Variants in RTN4 observed in about 807,000 individuals in gnomAD.
RTN4 encodes reticulon-4.
RTN4 carries 32 observed loss-of-function variants against 90.4 expected under a neutral mutation model. That is an observed-to-expected ratio of 0.35 (90% CI 0.27 to 0.48). RTN4 has a LOEUF of 0.48. Among genes scored for constraint, RTN4 ranks in the 20% least tolerant of loss-of-function variants. The probability of loss-of-function intolerance (pLI) is 0.99; values close to 1 mark genes in which losing one functional copy is unlikely to be tolerated. For missense variants in RTN4, 1,706 were observed against 1,430.2 expected, an observed-to-expected ratio of 1.19 and a Z score of -3.11; for synonymous variants, 629 against 552.5, an observed-to-expected ratio of 1.14 and a Z score of -1.94.
chr2:55,049,314 C>A (rs892499278), intron 1 of RTN4: 10 of 281,786 alleles, frequency 3.5e-5, no homozygotes, highest in South Asian at 1.8e-4. Context: ...AAAGGAGCAA[C>A]CCAGACGGGT....
intron 1 of RTN4, among the ~76,000 whole-genome samples, chr2:55,096,110 T>C (rs1669028673): frequency 6.6e-6 from 1 of 152,168 alleles, no homozygotes; most frequent in Admixed American, 6.5e-5. Context: ...GTGGATTACC[T>C]GAGGACGGGA....
chr2:55,045,803 T>A (rs1270156925), intron 1 of RTN4, among the ~76,000 whole-genome samples: 1 of 152,224 alleles, frequency 6.6e-6, no homozygotes, highest in Non-Finnish European at 1.5e-5. Flanking sequence ...ATATTTTCGG[T>A]CTTAATTAAC....
chr2:55,029,508 C>T (rs1022278334), intron 1 of RTN4, among the ~76,000 whole-genome samples: 3 of 152,026 alleles, frequency 2.0e-5, no homozygotes, highest in African/African-American at 4.8e-5. Flanking sequence ...CAGAGAGAAC[C>T]TAATAAATTT....
rs143366666 is a variant in RTN4, at chr2:54,987,504, C to G, written c.3208G>C (p.Gly1070Arg). 6.2e-7 allele frequency: 1 copy of G among 1,613,338 alleles called. No homozygotes were observed. The highest frequency in any genetic ancestry group is 1.3e-5 in the African/African-American group (1 of 74,914). Residue 1070 changes from glycine to arginine, a missense_variant, in exon 4 of 9, where the codon GGC becomes CGC. Physicochemically the swap from Gly to Arg is moderately radical, Grantham distance 125. Transcript: ENST00000337526. ...VIQAIQKSDE[G>R]HPFRAYLESE... is the part of the protein sequence containing the mutation. ...CAGACATCTCACCTGAATGGGTGGCCTTCATCTGATTTCTGGATAGCTTGG... is the reference window on the plus strand; with the variant it reads ...CAGACATCTCACCTGAATGGGTGGCGTTCATCTGATTTCTGGATAGCTTGG...
intron 2 of RTN4, among the ~76,000 whole-genome samples, chr2:55,066,030 T>C (rs1314987838): frequency 6.6e-6 from 1 of 152,238 alleles, no homozygotes; most frequent in African/African-American, 2.4e-5. Context: ...TTAAATTCAA[T>C]AGTAAATTAT....
intron 3 of RTN4, among the ~76,000 whole-genome samples, chr2:54,998,226 G>A (rs1679592872): frequency 6.9e-6 from 1 of 145,378 alleles, no homozygotes; most frequent in Non-Finnish European, 1.5e-5. Context: ...AGGGTGTGGG[G>A]GGCTTTTTTT....
At chr2:55,049,623 G>T (rs1235967509) in intron 1 of RTN4, 122 bp downstream of exon 1, 7 of 1,487,276 alleles carry the variant, frequency 4.7e-6, no homozygotes, top group Admixed American at 4.0e-5. Flanking sequence ...CCATCGCCCC[G>T]AAGTCCGCAG....
At chr2:55,014,001 T>C (rs530905576) in intron 3 of RTN4, among the ~76,000 whole-genome samples, 2 of 152,328 alleles carry the variant, frequency 1.3e-5, no homozygotes, top group South Asian at 2.1e-4. Context: ...GAAACAATTA[T>C]AGCTACACAG....
chr2:55,000,783 C>T (rs1014949458), intron 3 of RTN4, among the ~76,000 whole-genome samples: 16 of 152,048 alleles, frequency 1.1e-4, no homozygotes, highest in African/African-American at 3.9e-4. Flanking sequence ...TCTTTTTATG[C>T]TACTTGAGAA....
chr2:55,077,683 A>G (rs948800544), intron 2 of RTN4, among the ~76,000 whole-genome samples: 1 of 151,972 alleles, frequency 6.6e-6, no homozygotes, highest in Non-Finnish European at 1.5e-5. Flanking sequence ...ATAGCAGCAC[A>G]ATTCGCAAAT....
At chr2:55,070,421 T>C (rs916374024) in intron 2 of RTN4, among the ~76,000 whole-genome samples, 3 of 151,590 alleles carry the variant, frequency 2.0e-5, no homozygotes, top group African/African-American at 7.3e-5. Flanking sequence ...TGGCTCACAC[T>C]TGTAGTCCCA....
At chr2:54,991,101 A>G (rs1678981472) in intron 3 of RTN4, among the ~76,000 whole-genome samples, 1 of 152,108 alleles carries the variant, frequency 6.6e-6, no homozygotes. Context: ...TATTTTTCAT[A>G]TGAACAAATG....
chr2:55,053,549 G>A (rs2968791), upstream of RTN4, among the ~76,000 whole-genome samples: 103,901 of 151,720 alleles, frequency 0.68, 35,664 homozygotes, highest in Middle Eastern at 0.76. Flanking sequence ...AGCAGGGCAT[G>A]GTGGTGCACA....
the RTN4 span, among the ~76,000 whole-genome samples, chr2:55,124,877 C>T: frequency 1.3e-5 from 2 of 152,086 alleles, no homozygotes; most frequent in Admixed American, 6.6e-5. Context: ...CATAGACCAA[C>T]GGAACAGAAT....
At chr2:55,044,451 C>G (rs1683283075) in intron 1 of RTN4, among the ~76,000 whole-genome samples, 2 of 152,122 alleles carry the variant, frequency 1.3e-5, no homozygotes, top group South Asian at 4.2e-4. Flanking sequence ...TGGCTCATGC[C>G]TGTAATCCCA....
chr2:55,037,796 G>C (rs1682793531), intron 1 of RTN4, among the ~76,000 whole-genome samples: 1 of 152,088 alleles, frequency 6.6e-6, no homozygotes, highest in Admixed American at 6.5e-5. Context: ...TGAACAAGCT[G>C]ATTCTGAAAT....
chr2:55,107,804 C>A (rs1263937099), intron 1 of RTN4, among the ~76,000 whole-genome samples: 6 of 152,066 alleles, frequency 3.9e-5, no homozygotes, highest in Admixed American at 3.9e-4. Context: ...ACTATAATTA[C>A]AAAAACAGAG....
chr2:55,068,971 G>A (rs1668442260), intron 2 of RTN4, among the ~76,000 whole-genome samples: 1 of 152,224 alleles, frequency 6.6e-6, no homozygotes, highest in African/African-American at 2.4e-5. Context: ...GCCTTGATTT[G>A]TGCCAAGGCA....
In RTN4 at chr2:55,027,384, A is replaced by G; in HGVS notation, c.715T>C (p.Ser239Pro). ...TTGAAAGAAGCGGCTGAGAGAGGAG[A>G]CAGAGAAGGAAGAGAAGCAGCAGTT... is the stretch of plus-strand genomic sequence containing the variant. Reference protein sequence around the residue: ...LETAASLPSLSPLSAASFKEH... With the variant: ...LETAASLPSLPPLSAASFKEH... Residue 239 changes from serine (S) to proline (P), a missense_variant, in exon 3 of 9, where the codon TCT (serine) becomes CCT (proline). Transcript: ENST00000337526. 6.2e-7 allele frequency: 1 copy of G among 1,613,726 alleles called. No individual in the cohort carries two copies. Among genetic ancestry groups the G allele is most frequent in the Non-Finnish European group, 8.5e-7 (1 of 1,179,786 alleles).
Sources: gnomAD v4.1 joint callset for allele counts (sites outside exome capture counted in the v4.1 genomes callset) on GRCh38, gnomAD v4.1.1 for gene constraint, MANE v1.5 for transcripts, NCBI Gene and HGNC (gene_info 2026-07-23, HGNC 2026-07-21) for gene names.